The following GRAMD1C variants were observed in gnomAD, a reference collection of about 807,000 sequenced individuals.
GRAMD1C encodes protein Aster-C.
GRAMD1C carries 89 observed loss-of-function variants against 97.8 expected under a neutral mutation model. That is an observed-to-expected ratio of 0.91 (90% CI 0.77 to 1.09). The LOEUF is 1.09. GRAMD1C is among the 50% of genes least tolerant of loss of function. The pLI is 0.00. For missense variants in GRAMD1C, 740 were observed against 766.4 expected, an observed-to-expected ratio of 0.97 and a Z score of 0.41; for synonymous variants, 256 against 267.0, an observed-to-expected ratio of 0.96 and a Z score of 0.40.
At chr3:113,900,058 A>G (rs1030157454) in intron 6 of GRAMD1C, among the ~76,000 whole-genome samples, 2 of 152,120 alleles carry the variant, frequency 1.3e-5, no homozygotes, top group African/African-American at 4.8e-5. Flanking sequence ...TAGATTGCAG[A>G]ACTAAACTGA....
chr3:113,885,252 C>A, intron 6 of GRAMD1C: 3 of 1,184,592 alleles, frequency 2.5e-6, no homozygotes, highest in Non-Finnish European at 3.7e-6. Flanking sequence ...GCTGGCGGAG[C>A]TGGGCCGTGG....
chr3:113,880,613 T>C (rs1485291019), intron 5 of GRAMD1C, among the ~76,000 whole-genome samples: 1 of 152,196 alleles, frequency 6.6e-6, no homozygotes, highest in Non-Finnish European at 1.5e-5. Context: ...CCTCTTATGC[T>C]CATGTGTGAC....
chr3:113,926,392 G>A (rs1937231128), intron 10 of GRAMD1C, among the ~76,000 whole-genome samples: 1 of 152,018 alleles, frequency 6.6e-6, no homozygotes, highest in African/African-American at 2.4e-5. Flanking sequence ...TCTTAAAATG[G>A]CCATTTTGTC....
At chr3:113,934,745 T>C (rs1358181174) in intron 13 of GRAMD1C, among the ~76,000 whole-genome samples, 1 of 152,198 alleles carries the variant, frequency 6.6e-6, no homozygotes, top group Non-Finnish European at 1.5e-5. Flanking sequence ...TTATTTTTTT[T>C]ATTTTTTATT....
At chr3:113,934,081 A>G (rs1375179076) in intron 12 of GRAMD1C, among the ~76,000 whole-genome samples, 1 of 152,220 alleles carries the variant, frequency 6.6e-6, no homozygotes, top group Non-Finnish European at 1.5e-5. Context: ...ACTCTGGTTA[A>G]TGTAGTTACT....
intron 5 of GRAMD1C, among the ~76,000 whole-genome samples, chr3:113,876,851 A>T: frequency 6.6e-6 from 1 of 150,984 alleles, no homozygotes. Context: ...GAAAGAAAGA[A>T]AAAAAAAAGG....
chr3:113,919,664 C>T (rs1936964420), intron 10 of GRAMD1C: 5 of 651,448 alleles, frequency 7.7e-6, no homozygotes, highest in Non-Finnish European at 1.4e-5. Flanking sequence ...AGAATGTGAT[C>T]TTATTGTTCA....
Position 113,945,887 on chromosome 3 carries a change from G to A in GRAMD1C, c.*409G>A, listed in dbSNP as rs1304705199. The stretch of plus-strand genomic sequence containing the variant: ...TGAGATAAGACCAAGAGGATAAACA[G>A]GACAATATAAGAAGAAACCTCTATG... On this transcript the variant is annotated 3_prime_UTR_variant, in exon 18 of 18. Coordinates refer to ENST00000358160, the MANE Select transcript of GRAMD1C (RefSeq NM_017577.5). 6.2e-6 allele frequency: 1 copy of A among 160,086 alleles called. No homozygotes were observed. The highest frequency in any genetic ancestry group is 1.4e-5 in the Non-Finnish European group (1 of 73,634). 9.9% of individuals were successfully genotyped at this position (160,086 alleles called of 1,614,324 possible). A position where few individuals can be genotyped will look rare whatever the true frequency, so the allele number is the denominator to read the frequency against.
At chr3:113,877,454 G>A (rs1353496957) in intron 5 of GRAMD1C, among the ~76,000 whole-genome samples, 1 of 152,078 alleles carries the variant, frequency 6.6e-6, no homozygotes, top group Non-Finnish European at 1.5e-5. Flanking sequence ...TAGTTATCAT[G>A]CTCTTTAATT....
intron 2 of GRAMD1C, among the ~76,000 whole-genome samples, chr3:113,865,480 G>C (rs1211836197): frequency 1.3e-5 from 2 of 152,040 alleles, no homozygotes; most frequent in African/African-American, 4.8e-5. Context: ...ACTGCAAGAT[G>C]GTTTATTGAG....
chr3:113,829,681 A>AT (rs113675325), intron 1 of GRAMD1C, among the ~76,000 whole-genome samples: 2,234 of 151,710 alleles, frequency 0.015, 51 homozygotes, highest in African/African-American at 0.049. Context: ...TTGGCACACA[A>AT]TTTTTTTTTC....
At chr3:113,861,915 C>T (rs913780374) in intron 2 of GRAMD1C, among the ~76,000 whole-genome samples, 5 of 152,028 alleles carry the variant, frequency 3.3e-5, no homozygotes, top group South Asian at 2.1e-4. Context: ...GCTGGGTGTC[C>T]GGGGGAGACA....
At position 113,934,493 on chromosome 3, in the gene GRAMD1C, A is replaced by G; in HGVS notation, c.1414A>G (p.Lys472Glu). The change falls in exon 13 of 18, where the codon AAG becomes GAG. Residue 472 changes from lysine to glutamate, a missense_variant. Coordinates refer to ENST00000358160, the MANE Select transcript of GRAMD1C (RefSeq NM_017577.5). ...GGGCCTTGTCAAATCTTTAATTGAA[A>G]AGAATTCCTGGAGTTCTTTGGAGGA... is the stretch of plus-strand genomic sequence containing the variant. ...PWGLVKSLIE[K>E]NSWSSLEDYF... is the part of the protein sequence containing the mutation. The G allele has an allele frequency of 6.3e-7, 1 of 1,590,702 alleles. No individual in the cohort carries two copies. Among genetic ancestry groups the G allele is most frequent in the Non-Finnish European group, 8.6e-7 (1 of 1,164,490 alleles).
At chr3:113,832,039 G>GTGTTTTTTTTTTTTTTTTTTTTTT (rs1553713219) in intron 1 of GRAMD1C, among the ~76,000 whole-genome samples, 2 of 149,420 alleles carry the variant, frequency 1.3e-5, no homozygotes, top group African/African-American at 5.1e-5. Flanking sequence ...CAGCAACTTT[G>GTGTTTTTTTTTTTTTTTTTTTTTT]TTTTTTTTGA....
intron 6 of GRAMD1C, among the ~76,000 whole-genome samples, chr3:113,887,708 CAAA>C (rs1156243184): frequency 1.3e-4 from 6 of 47,530 alleles, no homozygotes; most frequent in Non-Finnish European, 2.1e-4. Flanking sequence ...ACTCCGTCTC[CAAA>C]AAAAAAAAAA....
chr3:113,942,182 G>A (rs1937833174), intron 17 of GRAMD1C, among the ~76,000 whole-genome samples: 2 of 151,732 alleles, frequency 1.3e-5, no homozygotes, highest in Non-Finnish European at 2.9e-5. Context: ...CCAAAGTGTT[G>A]GGATTGCAGG....
chr3:113,919,575 C>A (rs1936961854), intron 10 of GRAMD1C: 4 of 568,592 alleles, frequency 7.0e-6, no homozygotes, highest in South Asian at 2.9e-5. Flanking sequence ...AAGCCATATG[C>A]ATCTGACATC....
At position 113,939,991 on chromosome 3, in the gene GRAMD1C, T is replaced by G. The variant is rs747050527; in HGVS notation, c.1797T>G (p.Ser599=). The G allele has an allele frequency of 5.9e-6, 9 of 1,525,416 alleles. No homozygotes were observed. The highest frequency in any genetic ancestry group is 7.3e-6 in the Non-Finnish European group (8 of 1,099,102). The allele number at this position is 1,525,416 out of a possible 1,614,324, so 94.5% of individuals were successfully genotyped here. The change falls in exon 16 of 18, where the codon TCT becomes TCG. Residue 599 remains serine (S), a synonymous_variant. Transcript: ENST00000358160. ...FYRLRLQEEK[S]LNLASDMVSR... Reference sequence around the variant, plus strand: ...GTCTCCGCCTCCAAGAAGAGAAATCTTTAAAGTAAGTCTTTTTCCCCCTGA... The same window carrying G: ...GTCTCCGCCTCCAAGAAGAGAAATCGTTAAAGTAAGTCTTTTTCCCCCTGA...
chr3:113,889,571 G>A (rs1935636786), intron 6 of GRAMD1C, among the ~76,000 whole-genome samples: 2 of 152,052 alleles, frequency 1.3e-5, no homozygotes, highest in African/African-American at 2.4e-5. Context: ...GTGAATTATA[G>A]CACAGTAAAG....
Sources: gnomAD v4.1 joint callset for allele counts (sites outside exome capture counted in the v4.1 genomes callset) on GRCh38, gnomAD v4.1.1 for gene constraint, MANE v1.5 for transcripts, NCBI Gene and HGNC (gene_info 2026-07-23, HGNC 2026-07-21) for gene names.